GRIK4: variants seen among roughly 807,000 people sequenced by gnomAD.
The protein encoded by GRIK4 is glutamate ionotropic receptor kainate type subunit 4, also known as glutamate receptor ionotropic, kainate 4.
In GRIK4, 40 loss-of-function variants were observed where a neutral mutation model predicts 104.9. That is an observed-to-expected ratio of 0.38 (90% CI 0.30 to 0.50). GRIK4 has a LOEUF of 0.50. Among genes scored for constraint, GRIK4 ranks in the 20% least tolerant of loss-of-function variants. The pLI, the probability that GRIK4 is intolerant of heterozygous loss-of-function variation, is 0.93. For synonymous variants in GRIK4, 485 were observed against 524.9 expected (o/e 0.92, Z 1.04); for missense variants, 1,047 against 1,308.1 (o/e 0.80, Z 3.08).
intron 1 of GRIK4, among the ~76,000 whole-genome samples, chr11:120,639,700 T>A (rs556666941): frequency 9.8e-5 from 15 of 152,326 alleles, no homozygotes; most frequent in South Asian, 2.1e-4. Context: ...CACTTCTACC[T>A]TCCTCATGTC....
chr11:120,609,074 C>T (rs2135143889), intron 1 of GRIK4, among the ~76,000 whole-genome samples: 1 of 152,258 alleles, frequency 6.6e-6, no homozygotes, highest in South Asian at 2.1e-4. Context: ...AATTGCATGT[C>T]ATATTTAGTC....
chr11:120,514,710 T>G (rs1043191618), intron 1 of GRIK4, among the ~76,000 whole-genome samples: 2 of 152,148 alleles, frequency 1.3e-5, no homozygotes, highest in Non-Finnish European at 2.9e-5. Context: ...GCACTGCCTC[T>G]TGCCTCCTCC....
At chr11:120,540,591 G>GC (rs1948023084) in intron 1 of GRIK4, among the ~76,000 whole-genome samples, 1 of 151,878 alleles carries the variant, frequency 6.6e-6, no homozygotes, top group Non-Finnish European at 1.5e-5. Flanking sequence ...CCCAGTCTAG[G>GC]CAACAGAGTG....
rs930247747 is a variant in GRIK4 at position 120,555,316 on chromosome 11, A to G, written c.-159+43429A>G. Among the ~76,000 whole-genome samples, 12 of 152,240 alleles carry G rather than the reference A, an allele frequency of 7.9e-5. No homozygotes were observed. Among genetic ancestry groups the G allele is most frequent in the Admixed American group, 1.3e-4 (2 of 15,288 alleles). On this transcript the variant is annotated intron_variant, in intron 1 of 20. Coordinates refer to ENST00000527524, the MANE Select transcript of GRIK4 (RefSeq NM_014619.5). The surrounding 1 kb of genome is among the most constrained non-coding windows in gnomAD (Gnocchi z 5.3). ...AGCTCTCATTACTGGCTGGTGAACCAGAAGCCACTGTGAGGCAGCAAGGGC... is the reference window on the plus strand; with the variant it reads ...AGCTCTCATTACTGGCTGGTGAACCGGAAGCCACTGTGAGGCAGCAAGGGC...
chr11:120,616,727 C>A (rs1346376832), intron 1 of GRIK4, among the ~76,000 whole-genome samples: 2 of 152,194 alleles, frequency 1.3e-5, no homozygotes, highest in Non-Finnish European at 2.9e-5. Flanking sequence ...CTTGAGGGAG[C>A]ACACAGATTT....
At chr11:120,561,114 G>T (rs1210435761) in intron 1 of GRIK4, among the ~76,000 whole-genome samples, 2 of 151,186 alleles carry the variant, frequency 1.3e-5, no homozygotes, top group African/African-American at 4.8e-5. Flanking sequence ...AATTAAAATT[G>T]CAAGACAGCC....
At position 120,855,658 on chromosome 11, in the gene GRIK4, A is replaced by T. The variant is rs1209589481; in HGVS notation, c.745-6301A>T. Among the ~76,000 whole-genome samples, 16 of 151,876 alleles carry T rather than the reference A, an allele frequency of 1.1e-4. 1 individual carries two copies. The highest frequency in any genetic ancestry group is 1.0e-3 in the Admixed American group (16 of 15,256). On this transcript the variant is annotated intron_variant, in intron 8 of 20. Transcript: ENST00000527524. ...ACTGCGACTCTGCCTCCTGGGTTCA[A>T]GCGATTATCCTGCCTCAGACTCCCA... is the stretch of plus-strand genomic sequence containing the variant.
At chr11:120,765,746 T>C (rs563598260) in intron 3 of GRIK4, among the ~76,000 whole-genome samples, 117 of 152,324 alleles carry the variant, frequency 7.7e-4, no homozygotes, top group South Asian at 3.5e-3. Context: ...GGAGGTCCAT[T>C]CAAGACCCTG....
At chr11:120,579,450 A>G (rs934118884) in intron 1 of GRIK4, among the ~76,000 whole-genome samples, 1 of 152,124 alleles carries the variant, frequency 6.6e-6, no homozygotes, top group African/African-American at 2.4e-5. Context: ...CAGGGTGGAC[A>G]TAGGGGTGCG....
At chr11:120,841,208 C>T (rs1249336719) in intron 8 of GRIK4, among the ~76,000 whole-genome samples, 1 of 152,084 alleles carries the variant, frequency 6.6e-6, no homozygotes, top group Admixed American at 6.5e-5. Flanking sequence ...TACCATCCAC[C>T]TCCAGAACAT....
chr11:120,616,354 G>A (rs1565575290), intron 1 of GRIK4, among the ~76,000 whole-genome samples: 1 of 152,220 alleles, frequency 6.6e-6, no homozygotes, highest in Non-Finnish European at 1.5e-5. Flanking sequence ...CTTAGCTGGA[G>A]CTCAGTCATA....
At chr11:120,974,269 G>C (rs1944525102) in intron 19 of GRIK4, among the ~76,000 whole-genome samples, 1 of 152,198 alleles carries the variant, frequency 6.6e-6, no homozygotes, top group Non-Finnish European at 1.5e-5. Context: ...CTGTGTCTCA[G>C]ACTGAACAGA....
At chr11:120,979,455 A>G (rs111339393) in intron 19 of GRIK4, among the ~76,000 whole-genome samples, 4 of 152,104 alleles carry the variant, frequency 2.6e-5, no homozygotes, top group African/African-American at 9.7e-5. Context: ...ATTTTGTTCT[A>G]CTTCCTTTTA....
chr11:120,971,509 G>A (rs1944475165), intron 19 of GRIK4, among the ~76,000 whole-genome samples: 1 of 152,238 alleles, frequency 6.6e-6, no homozygotes, highest in Admixed American at 6.5e-5. Context: ...AAGTATTCAT[G>A]TAGTTCTTAT....
intron 4 of GRIK4, among the ~76,000 whole-genome samples, chr11:120,813,045 G>T (rs998998780): frequency 2.6e-5 from 4 of 152,204 alleles, no homozygotes. Flanking sequence ...GGATGAGAAT[G>T]GATAACAGGT....
intron 1 of GRIK4, among the ~76,000 whole-genome samples, chr11:120,593,458 C>T (rs773116714): frequency 6.6e-6 from 1 of 152,156 alleles, no homozygotes; most frequent in Non-Finnish European, 1.5e-5. Flanking sequence ...CCTCCTCCCT[C>T]GAGACACTTT....
intron 13 of GRIK4, among the ~76,000 whole-genome samples, chr11:120,916,277 T>C (rs1461758105): frequency 6.6e-6 from 1 of 152,134 alleles, no homozygotes; most frequent in Non-Finnish European, 1.5e-5. Context: ...TCTAGGAGCC[T>C]TTCAGCTAAA....
intron 13 of GRIK4, among the ~76,000 whole-genome samples, chr11:120,906,535 AG>A (rs780372034): frequency 2.6e-5 from 4 of 152,376 alleles, no homozygotes; most frequent in Non-Finnish European, 5.9e-5. Flanking sequence ...AGCATGAGGC[AG>A]GGCTCAGATT....
rs946590137 is a variant in GRIK4, at chr11:120,950,462, T to C, written c.1591-2393T>C. ...TATAATCAGGTATAGATTTCTGACA[T>C]TGAGCATCTAATGGGTTTTCAGATT... On this transcript the variant is annotated intron_variant, in intron 14 of 20. Transcript: ENST00000527524. 3.3e-5 allele frequency among the ~76,000 whole-genome samples: 5 copies of C among 152,210 alleles called. 1 individual carries two copies. The highest frequency in any genetic ancestry group is 4.1e-4 in the South Asian group (2 of 4,834).
Sources: gnomAD v4.1 joint callset for allele counts (sites outside exome capture counted in the v4.1 genomes callset) on GRCh38, gnomAD v4.1.1 for gene constraint, Gnocchi (gnomAD v3.1) non-coding constraint, MANE v1.5 for transcripts, NCBI Gene and HGNC (gene_info 2026-07-23, HGNC 2026-07-21) for gene names.